The following LDLRAD3 variants were observed in gnomAD, a reference collection of about 807,000 sequenced individuals.
LDLRAD3 encodes low-density lipoprotein receptor class A domain-containing protein 3.
In LDLRAD3, 20 loss-of-function variants were observed where a neutral mutation model predicts 29.4. The observed-to-expected ratio is 0.68, with a 90% confidence interval of 0.48 to 0.99. The LOEUF (loss-of-function observed/expected upper bound fraction) is 0.99, where lower values mean the gene tolerates loss of function less well. Among genes scored for constraint, LDLRAD3 ranks in the 50% least tolerant of loss-of-function variants. LDLRAD3 has a pLI of 0.00. For missense variants in LDLRAD3, 420 were observed against 454.3 expected (o/e 0.92, Z 0.69); for synonymous variants, 157 against 192.7 (o/e 0.81, Z 1.53).
chr11:35,963,434 T>TG lies in LDLRAD3; in HGVS notation c.46+19290_46+19291insG, dbSNP rs36044907. On this transcript the variant is annotated intron_variant, in intron 1 of 5. Coordinates refer to ENST00000315571, the MANE Select transcript of LDLRAD3 (RefSeq NM_174902.4). Reference sequence around the variant, plus strand: ...TCTCCCAGTTCTGTGTGTGTGTGTGTTTTTTTTTTTTTAACACGTTGTTAC... The same window carrying TG: ...TCTCCCAGTTCTGTGTGTGTGTGTGTGTTTTTTTTTTTTAACACGTTGTTAC... Among the ~76,000 whole-genome samples the TG allele has an allele frequency of 6.1e-3, 342 of 55,848 alleles. 1 individual carries two copies. The highest frequency in any genetic ancestry group is 0.015 in the African/African-American group (274 of 18,472). 36.6% of individuals were successfully genotyped at this position (55,848 alleles called of 152,430 possible).
In LDLRAD3 at chr11:36,085,292, C is replaced by T. The variant is rs1047312777; in HGVS notation, c.319+3514C>T. Among the ~76,000 whole-genome samples the T allele has an allele frequency of 5.3e-5, 8 of 150,872 alleles. No individual in the cohort carries two copies. In the East Asian group the frequency reaches 5.8e-4, roughly 11 times the overall value. On this transcript the variant is annotated intron_variant, in intron 3 of 5. Coordinates refer to ENST00000315571, the MANE Select transcript of LDLRAD3 (RefSeq NM_174902.4). ...CGATTTCTGGAGAGAAATTTACAGT[C>T]GTTCAAGTTGTTTCCCCGTAGATTA...
intron 4 of LDLRAD3, among the ~76,000 whole-genome samples, chr11:36,103,964 C>T (rs1853488516): frequency 6.6e-6 from 1 of 152,206 alleles, no homozygotes; most frequent in South Asian, 2.1e-4. Flanking sequence ...GTTGCTTCCA[C>T]CTTTTGACTA....
intron 2 of LDLRAD3, among the ~76,000 whole-genome samples, chr11:36,062,629 A>G (rs1323671768): frequency 6.6e-6 from 1 of 152,162 alleles, no homozygotes; most frequent in Non-Finnish European, 1.5e-5. Flanking sequence ...AAGTAATTTA[A>G]TCATGGGGGT....
intron 1 of LDLRAD3, among the ~76,000 whole-genome samples, chr11:36,016,298 T>A (rs1400256843): frequency 6.6e-6 from 1 of 152,256 alleles, no homozygotes; most frequent in Non-Finnish European, 1.5e-5. Context: ...CCCACAGGTT[T>A]CTCCAAGTGA....
intron 2 of LDLRAD3, among the ~76,000 whole-genome samples, chr11:36,064,383 C>T (rs1437225827): frequency 6.6e-6 from 1 of 151,970 alleles, no homozygotes; most frequent in East Asian, 1.9e-4. Flanking sequence ...GATCACAGCT[C>T]ACTGCAGCCT....
At chr11:36,102,433 A>G (rs567774755) in intron 4 of LDLRAD3, among the ~76,000 whole-genome samples, 21 of 152,182 alleles carry the variant, frequency 1.4e-4, no homozygotes, top group African/African-American at 4.3e-4. Flanking sequence ...TTCTCTTCCA[A>G]TTTGACTAGG....
At chr11:36,110,868 G>A (rs2133286627) in intron 4 of LDLRAD3, among the ~76,000 whole-genome samples, 1 of 152,260 alleles carries the variant, frequency 6.6e-6, no homozygotes, top group African/African-American at 2.4e-5. Flanking sequence ...TTCCTAGGGG[G>A]ATATGGCAAG....
intron 3 of LDLRAD3, among the ~76,000 whole-genome samples, chr11:36,097,625 A>G (rs1345919061): frequency 6.6e-6 from 1 of 152,184 alleles, no homozygotes; most frequent in East Asian, 1.9e-4. Context: ...GGGGGAAGGG[A>G]GGAAGATAAA....
At chr11:36,083,770 ACACACACACACC>A (rs1853153822) in intron 3 of LDLRAD3, among the ~76,000 whole-genome samples, 2 of 115,040 alleles carry the variant, frequency 1.7e-5, no homozygotes, top group Non-Finnish European at 4.2e-5. Flanking sequence ...ACACACACAC[ACACACACACACC>A]CCAGAATAAT....
intron 1 of LDLRAD3, among the ~76,000 whole-genome samples, chr11:35,971,992 G>GT (rs1424639166): frequency 2.0e-5 from 3 of 152,162 alleles, no homozygotes; most frequent in African/African-American, 7.2e-5. Context: ...AGCTGCCGGT[G>GT]TGGGGGAGGA....
chr11:35,984,728 G>A (rs1851586899), intron 1 of LDLRAD3, among the ~76,000 whole-genome samples: 1 of 152,064 alleles, frequency 6.6e-6, no homozygotes, highest in Non-Finnish European at 1.5e-5. Flanking sequence ...GCCTTCCGGG[G>A]TCAAGCGATT....
At chr11:36,171,476 G>A (rs1854597919) in intron 4 of LDLRAD3, among the ~76,000 whole-genome samples, 1 of 152,186 alleles carries the variant, frequency 6.6e-6, no homozygotes, top group Admixed American at 6.5e-5. Context: ...TTTGTATAAG[G>A]TGAGAGATGA....
At chr11:36,085,147 A>G (rs1407457769) in intron 3 of LDLRAD3, among the ~76,000 whole-genome samples, 9 of 152,204 alleles carry the variant, frequency 5.9e-5, no homozygotes, top group Non-Finnish European at 1.2e-4. Flanking sequence ...GCTTGCCTTC[A>G]TCTGAGAATG....
chr11:36,013,116 G>A (rs1435000551), intron 1 of LDLRAD3, among the ~76,000 whole-genome samples: 1 of 152,108 alleles, frequency 6.6e-6, no homozygotes, highest in African/African-American at 2.4e-5. Context: ...TCCAAATATC[G>A]CTGAGTGTTC....
At chr11:36,124,743 G>A (rs1206408140) in intron 4 of LDLRAD3, among the ~76,000 whole-genome samples, 1 of 150,746 alleles carries the variant, frequency 6.6e-6, no homozygotes, top group Non-Finnish European at 1.5e-5. Context: ...CCAGGCTGGA[G>A]TGCAGTGGCA....
intron 1 of LDLRAD3, among the ~76,000 whole-genome samples, chr11:36,000,279 A>AT (rs1851807356): frequency 6.7e-6 from 1 of 148,946 alleles, no homozygotes; most frequent in Admixed American, 6.7e-5. Context: ...ATGTATATAT[A>AT]ATATATAACA....
chr11:36,170,112 A>G (rs1300195862), intron 4 of LDLRAD3, among the ~76,000 whole-genome samples: 2 of 152,132 alleles, frequency 1.3e-5, no homozygotes, highest in South Asian at 2.1e-4. Context: ...AAGTGAGAAC[A>G]TATGATGTTT....
intron 4 of LDLRAD3, among the ~76,000 whole-genome samples, chr11:36,151,544 A>G (rs1039610846): frequency 6.6e-6 from 1 of 152,106 alleles, no homozygotes; most frequent in Non-Finnish European, 1.5e-5. Context: ...GCTGTAGTCA[A>G]CTCAGGTCTC....
At chr11:36,084,878 G>T (rs1309310633) in intron 3 of LDLRAD3, among the ~76,000 whole-genome samples, 2 of 152,166 alleles carry the variant, frequency 1.3e-5, no homozygotes, top group Non-Finnish European at 2.9e-5. Context: ...CCACTCTCTA[G>T]GTCGCTTTAG....
Sources: allele counts gnomAD v4.1 joint callset (sites outside exome capture counted in the v4.1 genomes callset), GRCh38; gene constraint gnomAD v4.1.1; transcripts MANE v1.5; gene names NCBI Gene and HGNC (gene_info 2026-07-23, HGNC 2026-07-21).